PEAK1: variants seen among roughly 807,000 people sequenced by gnomAD.
The protein encoded by PEAK1 is pseudopodium enriched atypical kinase 1.
A neutral mutation model predicts 124.7 loss-of-function variants in PEAK1; 54 were observed. The ratio of observed to expected loss-of-function variants is 0.43; its 90% confidence interval spans 0.35 to 0.54. The LOEUF (loss-of-function observed/expected upper bound fraction) is 0.54, where lower values mean the gene tolerates loss of function less well. Among genes scored for constraint, PEAK1 ranks in the 20% least tolerant of loss-of-function variants. The pLI is 0.01. For missense variants in PEAK1, 2,046 were observed against 2,134.5 expected (o/e 0.96, Z 0.82); for synonymous variants, 719 against 760.0 (o/e 0.95, Z 0.89).
intron 6 of PEAK1, among the ~76,000 whole-genome samples, chr15:77,250,211 G>GTATATGTA (rs2060803110): frequency 1.5e-5 from 2 of 131,538 alleles, no homozygotes; most frequent in African/African-American, 5.8e-5. Flanking sequence ...ACATATATAT[G>GTATATGTA]TATATATATA....
At position 77,286,653 on chromosome 15, in the gene PEAK1, T is replaced by TA. The variant is rs2062945376; in HGVS notation, c.-602-150dup. 8 of 424,006 alleles carry TA rather than the reference T, an allele frequency of 1.9e-5. 1 individual carries two copies. In the South Asian group the frequency reaches 1.1e-3, roughly 56 times the overall value. 26.3% of individuals were successfully genotyped at this position (424,006 alleles called of 1,614,324 possible). A position where few individuals can be genotyped will look rare whatever the true frequency, so the allele number is the denominator to read the frequency against. On this transcript the variant is annotated intron_variant, in intron 2 of 9. Coordinates refer to ENST00000682557, the MANE Select transcript of PEAK1 (RefSeq NM_001385026.1). ...ACTTATTTTTAAGCTATAAAATCAC[T>TA]AAGAGGTGTTTTAATTGGTTAATAC...
chr15:77,198,996 A>G (rs2058236404), intron 6 of PEAK1, among the ~76,000 whole-genome samples: 1 of 152,210 alleles, frequency 6.6e-6, no homozygotes, highest in Admixed American at 6.5e-5. Flanking sequence ...ATCTATTTGT[A>G]TGGAAGAGAA....
At chr15:77,340,559 G>A (rs2066466434) in intron 2 of PEAK1, among the ~76,000 whole-genome samples, 2 of 152,132 alleles carry the variant, frequency 1.3e-5, no homozygotes, top group African/African-American at 2.4e-5. Flanking sequence ...TGTAATCGCA[G>A]ATAGATGCTA....
intron 6 of PEAK1, among the ~76,000 whole-genome samples, chr15:77,214,905 C>T (rs1188418242): frequency 6.6e-6 from 1 of 152,158 alleles, no homozygotes; most frequent in African/African-American, 2.4e-5. Context: ...AGGCCTCTAA[C>T]ACTGGGAATT....
At chr15:77,384,582 A>C (rs2141851197) in intron 1 of PEAK1, among the ~76,000 whole-genome samples, 1 of 152,328 alleles carries the variant, frequency 6.6e-6, no homozygotes, top group South Asian at 2.1e-4. Flanking sequence ...CCATTTTGGA[A>C]ACAGAACTCC....
intron 6 of PEAK1, among the ~76,000 whole-genome samples, chr15:77,206,635 G>A (rs1464819341): frequency 1.3e-5 from 2 of 151,348 alleles, no homozygotes; most frequent in Non-Finnish European, 3.0e-5. Flanking sequence ...CTTTTGAGAA[G>A]TGTCTGTTCA....
intron 2 of PEAK1, among the ~76,000 whole-genome samples, chr15:77,306,776 TA>T (rs2064130821): frequency 6.6e-6 from 1 of 152,136 alleles, no homozygotes; most frequent in South Asian, 2.1e-4. Context: ...TTACTTCAGT[TA>T]AAAGGCCAGT....
Position 77,180,906 on chromosome 15 carries a change from AGTCAGATGACAC to A in PEAK1, c.1009_1020del (p.Val337_Asp340del). Reference sequence around the variant, plus strand: ...GTTAAAGAAGAATCTGGTGATGTGGAGTCAGATGACACCATGCTCTGAATGCTTCCTTGTCCA... The same window carrying A: ...GTTAAAGAAGAATCTGGTGATGTGGACATGCTCTGAATGCTTCCTTGTCCA... On this transcript the variant is annotated inframe_deletion, in exon 7 of 10. Transcript: ENST00000682557. 1 of 1,613,960 alleles carries A rather than the reference AGTCAGATGACAC, an allele frequency of 6.2e-7. No individual in the cohort carries two copies. Among genetic ancestry groups the A allele is most frequent in the Non-Finnish European group, 8.5e-7 (1 of 1,179,900 alleles).
At chr15:77,225,213 C>T (rs2059575760) in intron 6 of PEAK1, among the ~76,000 whole-genome samples, 2 of 151,970 alleles carry the variant, frequency 1.3e-5, no homozygotes, top group Non-Finnish European at 2.9e-5. Flanking sequence ...CTCAGGCAAT[C>T]TCATTTCAGA....
chr15:77,348,483 G>T, intron 2 of PEAK1: 1 of 958,162 alleles, frequency 1.0e-6, no homozygotes, highest in Non-Finnish European at 1.2e-6. Context: ...TAAACACAAT[G>T]TAAACAATAC....
At chr15:77,166,529 A>C (rs2056110705) in intron 7 of PEAK1, among the ~76,000 whole-genome samples, 1 of 152,176 alleles carries the variant, frequency 6.6e-6, no homozygotes, top group Non-Finnish European at 1.5e-5. Flanking sequence ...CAGTTGTGAC[A>C]ACCAAAAAAG....
chr15:77,348,783 T>A, intron 2 of PEAK1: 1 of 982,146 alleles, frequency 1.0e-6, no homozygotes, highest in Non-Finnish European at 1.2e-6. Context: ...TATCTTTTTT[T>A]CTTTTTTGTT....
intron 8 of PEAK1, chr15:77,156,167 G>T (rs34630840): frequency 0.094 from 14,545 of 153,994 alleles, 759 homozygotes; most frequent in Admixed American, 0.11. Context: ...GAGCTTCCGG[G>T]CTGCTTTGTT....
chr15:77,273,991 T>C (rs775060616), intron 5 of PEAK1, among the ~76,000 whole-genome samples: 7 of 152,162 alleles, frequency 4.6e-5, no homozygotes, highest in Non-Finnish European at 8.8e-5. Context: ...TACAGTCAAC[T>C]GATCTTTGAC....
chr15:77,259,916 CAG>C (rs996949593), intron 5 of PEAK1, among the ~76,000 whole-genome samples: 3 of 152,052 alleles, frequency 2.0e-5, no homozygotes, highest in African/African-American at 7.2e-5. Context: ...AGCAGAATTC[CAG>C]AGAAGAGGGA....
At chr15:77,299,144 T>A (rs2063661626) in intron 2 of PEAK1, among the ~76,000 whole-genome samples, 1 of 152,248 alleles carries the variant, frequency 6.6e-6, no homozygotes, top group East Asian at 1.9e-4. Flanking sequence ...ACAATCTCTT[T>A]CTTCTAGAAT....
At chr15:77,346,671 A>G in intron 2 of PEAK1, 1 of 984,020 alleles carries the variant, frequency 1.0e-6, no homozygotes, top group South Asian at 4.7e-5. Context: ...TATTAATTGC[A>G]AAAACATTAA....
At chr15:77,307,036 A>G (rs2064144742) in intron 2 of PEAK1, among the ~76,000 whole-genome samples, 1 of 152,156 alleles carries the variant, frequency 6.6e-6, no homozygotes, top group Admixed American at 6.5e-5. Flanking sequence ...TATTTCTATT[A>G]CTTCATATTT....
At chr15:77,257,110 T>C (rs2061192287) in intron 5 of PEAK1, among the ~76,000 whole-genome samples, 1 of 152,220 alleles carries the variant, frequency 6.6e-6, no homozygotes, top group Admixed American at 6.5e-5. Flanking sequence ...TCACATTTTC[T>C]TAATCCAGTC....
Sources: allele counts gnomAD v4.1 joint callset (sites outside exome capture counted in the v4.1 genomes callset), GRCh38; gene constraint gnomAD v4.1.1; transcripts MANE v1.5; gene names NCBI Gene and HGNC (gene_info 2026-07-23, HGNC 2026-07-21).